Variants in ZNF782 observed in about 807,000 individuals in gnomAD.
The protein encoded by ZNF782 is zinc finger protein 782.
Under a neutral mutation model 13.0 loss-of-function variants are expected in ZNF782, and 12 were observed. The observed-to-expected ratio is 0.92, with a 90% CI of 0.59 to 1.50. ZNF782 has a LOEUF of 1.50. Ranked by LOEUF, ZNF782 falls within the 40% of genes most tolerant of loss-of-function variation. The probability of loss-of-function intolerance (pLI) is 0.00; values close to 1 mark genes in which losing one functional copy is unlikely to be tolerated. For missense variants in ZNF782, 770 were observed against 822.9 expected (o/e 0.94, Z 0.79); for synonymous variants, 284 against 283.0 (o/e 1.00, Z -0.04).
intron 5 of ZNF782, among the ~76,000 whole-genome samples, chr9:96,825,069 T>G (rs1248105006): frequency 6.6e-6 from 1 of 151,330 alleles, no homozygotes; most frequent in Non-Finnish European, 1.5e-5. Context: ...AAAGTTCATA[T>G]GGAACCAAAA....
chr9:96,878,463 A>C (rs1851921062), upstream of ZNF782, among the ~76,000 whole-genome samples: 1 of 152,178 alleles, frequency 6.6e-6, no homozygotes, highest in South Asian at 2.1e-4. Context: ...CCCTCCTAAT[A>C]TCCAGCCCAC....
chr9:96,895,548 C>A, the ZNF782 span: 1 of 152,032 alleles, frequency 6.6e-6, no homozygotes, highest in South Asian at 2.1e-4. Flanking sequence ...ATTTTTCTCT[C>A]AGCCTTCCCC....
At chr9:96,926,130 G>GT in the ZNF782 span, among the ~76,000 whole-genome samples, 3 of 131,832 alleles carry the variant, frequency 2.3e-5, no homozygotes, top group Admixed American at 7.8e-5. Context: ...TATACTTTTT[G>GT]TATCAGTGGC....
chr9:96,897,492 T>C, the ZNF782 span, among the ~76,000 whole-genome samples: 1 of 152,086 alleles, frequency 6.6e-6, no homozygotes, highest in Non-Finnish European at 1.5e-5. Flanking sequence ...GTCTGCATTA[T>C]GTTCTGGGCT....
the ZNF782 span, chr9:96,903,123 AAC>A: frequency 1.3e-5 from 2 of 151,476 alleles, no homozygotes; most frequent in Middle Eastern, 3.4e-3. Flanking sequence ...AGTTTTAAAA[AAC>A]ACAGATTCAT....
chr9:96,857,052 A>C (rs1429581233), upstream of ZNF782, among the ~76,000 whole-genome samples: 1 of 152,198 alleles, frequency 6.6e-6, no homozygotes, highest in Non-Finnish European at 1.5e-5. Flanking sequence ...TAGAAGGGTA[A>C]GTTTTTGTGA....
At chr9:96,888,485 T>G in the ZNF782 span, 1 of 151,860 alleles carries the variant, frequency 6.6e-6, no homozygotes, top group Non-Finnish European at 1.5e-5. Context: ...TTGATAAAAC[T>G]ACTAGACATA....
At chr9:96,834,603 T>C (rs538104244) in intron 4 of ZNF782, among the ~76,000 whole-genome samples, 5 of 152,322 alleles carry the variant, frequency 3.3e-5, no homozygotes, top group South Asian at 4.1e-4. Flanking sequence ...TTCCACTTTC[T>C]GCCATGAGTT....
the ZNF782 span, among the ~76,000 whole-genome samples, chr9:96,905,483 T>C: frequency 6.6e-6 from 1 of 151,958 alleles, no homozygotes; most frequent in South Asian, 2.1e-4. Flanking sequence ...CCACCCCTTG[T>C]TTAGCATATC....
At chr9:96,911,172 GCT>G in the ZNF782 span, among the ~76,000 whole-genome samples, 14 of 145,506 alleles carry the variant, frequency 9.6e-5, no homozygotes, top group Admixed American at 9.6e-4. Context: ...AGGCGCGGTG[GCT>G]CACGCCTGTA....
chr9:96,852,778 C>T (rs566425779), intron 2 of ZNF782, 75 bp downstream of exon 2: 2 of 152,720 alleles, frequency 1.3e-5, no homozygotes, highest in African/African-American at 4.8e-5. Flanking sequence ...TACTTTAAGG[C>T]AAAGAGTTTT....
At position 96,818,088 on chromosome 9, in the gene ZNF782, T is replaced by C. The variant is rs765527791; in HGVS notation, c.1935A>G (p.Pro645=). 1.2e-6 allele frequency: 2 copies of C among 1,612,082 alleles called. No homozygotes were observed. The highest frequency in any genetic ancestry group is 2.2e-5 in the South Asian group (2 of 90,924). ...CTTCCCCACACTGATTACAATTATA[T>C]GGTTTCTCCCCGGTGTGAGTTCGCT... ...KHQRTHTGEK[P]YNCNQCGEAF... The change falls in exon 6 of 6, where the codon CCA becomes CCG. Residue 645 remains proline, a synonymous_variant. Coordinates refer to ENST00000481138, the MANE Select transcript of ZNF782 (RefSeq NM_001001662.3).
At chr9:96,849,125 C>G (rs1156307215) in intron 3 of ZNF782, among the ~76,000 whole-genome samples, 1 of 152,202 alleles carries the variant, frequency 6.6e-6, no homozygotes, top group Non-Finnish European at 1.5e-5. Context: ...GCACCAGGAA[C>G]TGGTTTCCTG....
intron 4 of ZNF782, among the ~76,000 whole-genome samples, chr9:96,829,297 A>G (rs1850726065): frequency 6.6e-6 from 1 of 152,120 alleles, no homozygotes; most frequent in Non-Finnish European, 1.5e-5. Context: ...TTCTTTAAAT[A>G]GAACATTATC....
intron 5 of ZNF782, among the ~76,000 whole-genome samples, chr9:96,825,926 T>C (rs1485820724): frequency 2.0e-5 from 3 of 150,774 alleles, no homozygotes; most frequent in Non-Finnish European, 3.0e-5. Context: ...TGTGGAGAAA[T>C]AGGAACACTT....
chr9:96,862,554 A>G (rs934249864), intron 1 of ZNF782, among the ~76,000 whole-genome samples: 6 of 152,202 alleles, frequency 3.9e-5, no homozygotes, highest in African/African-American at 1.4e-4. Flanking sequence ...CACACTGTAT[A>G]TTTACAAGTG....
At chr9:96,826,726 G>A (rs1850633764) in intron 5 of ZNF782, among the ~76,000 whole-genome samples, 1 of 152,108 alleles carries the variant, frequency 6.6e-6, no homozygotes, top group South Asian at 2.1e-4. Context: ...CAATATGATA[G>A]GGAACACCAG....
chr9:96,853,410 T>C (rs1456873378), intron 1 of ZNF782, among the ~76,000 whole-genome samples: 3 of 152,200 alleles, frequency 2.0e-5, no homozygotes, highest in African/African-American at 7.2e-5. Flanking sequence ...AGAGGTGTTC[T>C]CTTCCAGGTA....
At chr9:96,841,737 G>A (rs546093269) in intron 4 of ZNF782, among the ~76,000 whole-genome samples, 15 of 151,976 alleles carry the variant, frequency 9.9e-5, no homozygotes, top group African/African-American at 2.9e-4. Context: ...ATTTGATGAA[G>A]AATATCTACA....
Sources: allele counts gnomAD v4.1 joint callset (sites outside exome capture counted in the v4.1 genomes callset), GRCh38; gene constraint gnomAD v4.1.1; transcripts MANE v1.5; gene names NCBI Gene and HGNC (gene_info 2026-07-23, HGNC 2026-07-21).